Variants in CD274 observed in about 807,000 individuals in gnomAD.
The protein encoded by CD274 is CD274 molecule.
A neutral mutation model predicts 30.1 loss-of-function variants in CD274; 8 were observed. The observed-to-expected ratio is 0.27, with a 90% CI of 0.16 to 0.48. The LOEUF (loss-of-function observed/expected upper bound fraction) is 0.48, where lower values mean the gene tolerates loss of function less well. CD274 is among the 20% of genes least tolerant of loss of function. The pLI, the probability that CD274 is intolerant of heterozygous loss-of-function variation, is 0.99. For synonymous variants in CD274, 152 were observed against 124.6 expected (o/e 1.22, Z -1.46); for missense variants, 353 against 346.6 (o/e 1.02, Z -0.15).
At chr9:5,455,482 C>G (rs1254775042) in intron 1 of CD274, among the ~76,000 whole-genome samples, 1 of 152,160 alleles carries the variant, frequency 6.6e-6, no homozygotes, top group African/African-American at 2.4e-5. Context: ...ATCCAACTCT[C>G]TCCCCTTCCC....
At position 5,466,844 on chromosome 9, in the gene CD274, A is replaced by G; in HGVS notation, c.850+15A>G. 2 of 1,594,358 alleles carry G rather than the reference A, an allele frequency of 1.3e-6. No homozygotes were observed. The highest frequency in any genetic ancestry group is 8.6e-7 in the Non-Finnish European group (1 of 1,165,518). On this transcript the variant is annotated intron_variant, in intron 6 of 6. Coordinates refer to ENST00000381577, the MANE Select transcript of CD274 (RefSeq NM_014143.4). Reference sequence around the variant, plus strand: ...GAAGCAAAGTGGTAAGAATATCAGAAGGAATTGGGAAGTAAAAGTCAAAGG... The same window carrying G: ...GAAGCAAAGTGGTAAGAATATCAGAGGGAATTGGGAAGTAAAAGTCAAAGG...
In CD274 at chr9:5,462,720, T is replaced by C. The variant is rs1175771500; in HGVS notation, c.395-114T>C. ...GGCTGAGGCATCTGAACATTAAGCA[T>C]ATCCCTCTGAGAACCAGCCTGCATT... On this transcript the variant is annotated intron_variant, in intron 3 of 6. Coordinates refer to ENST00000381577, the MANE Select transcript of CD274 (RefSeq NM_014143.4). 4.4e-6 allele frequency: 4 copies of C among 916,294 alleles called. No homozygotes were observed. In the African/African-American group the frequency reaches 5.0e-5, roughly 11 times the overall value. 56.8% of individuals were successfully genotyped at this position (916,294 alleles called of 1,614,324 possible).
At position 5,467,871 on chromosome 9, in the gene CD274, T is replaced by A. The variant is rs778322845; in HGVS notation, c.*9T>A. On this transcript the variant is annotated 3_prime_UTR_variant, in exon 7 of 7. Transcript: ENST00000381577. ...ATTTGGAGGAGACGTAATCCAGCAT[T>A]GGAACTTCTGATCTTCAAGCAGGGA... 1 of 1,607,270 alleles carries A rather than the reference T, an allele frequency of 6.2e-7. No individual in the cohort carries two copies. Among genetic ancestry groups the A allele is most frequent in the Admixed American group, 1.7e-5 (1 of 59,982 alleles).
rs1029283375 is a variant in CD274, at chr9:5,468,637, A to G, written c.*775A>G. 3.4e-5 allele frequency: 8 copies of G among 232,998 alleles called. No homozygotes were observed. Among genetic ancestry groups the G allele is most frequent in the East Asian group, 2.4e-4 (4 of 16,552 alleles). 14.4% of individuals were successfully genotyped at this position (232,998 alleles called of 1,614,324 possible). Reference sequence around the variant, plus strand: ...TCTGTGCAGTATCTGTTCCATTTAAATATCAGCTTTACAATTATGTGGTAG... The same window carrying G: ...TCTGTGCAGTATCTGTTCCATTTAAGTATCAGCTTTACAATTATGTGGTAG... On this transcript the variant is annotated 3_prime_UTR_variant, in exon 7 of 7. Transcript: ENST00000381577.
chr9:5,462,719 A>T, intron 3 of CD274, 115 bp from the exon 4 acceptor site: 1 of 910,668 alleles, frequency 1.1e-6, no homozygotes, highest in Non-Finnish European at 1.7e-6. Flanking sequence ...AACATTAAGC[A>T]TATCCCTCTG....
intron 1 of CD274, among the ~76,000 whole-genome samples, chr9:5,455,444 C>G (rs1258325466): frequency 6.6e-6 from 1 of 152,162 alleles, no homozygotes; most frequent in Non-Finnish European, 1.5e-5. Context: ...GGCTGTGAGT[C>G]ATTCATATCT....
intron 1 of CD274, among the ~76,000 whole-genome samples, chr9:5,453,142 A>C (rs898177827): frequency 6.6e-6 from 1 of 152,116 alleles, no homozygotes; most frequent in Non-Finnish European, 1.5e-5. Flanking sequence ...TGCCATCGCT[A>C]TTCCACATCT....
rs1393730393 is a variant in CD274 at position 5,462,878 on chromosome 9, G to A, written c.439G>A (p.Val147Ile). 1 of 1,613,838 alleles carries A rather than the reference G, an allele frequency of 6.2e-7. No homozygotes were observed. Among genetic ancestry groups the A allele is most frequent in the Non-Finnish European group, 8.5e-7 (1 of 1,179,906 alleles). The change falls in exon 4 of 7, where the codon GTC (valine) becomes ATC (isoleucine). Residue 147 changes from valine to isoleucine, a missense_variant. Val to Ile is a conservative substitution (Grantham distance 29). Coordinates refer to ENST00000381577, the MANE Select transcript of CD274 (RefSeq NM_014143.4). Reference protein sequence around the residue: ...INQRILVVDPVTSEHELTCQA... With the variant: ...INQRILVVDPITSEHELTCQA... ...CCAAAGAATTTTGGTTGTGGATCCA[G>A]TCACCTCTGAACATGAACTGACATG...
At chr9:5,452,166 G>A (rs1450166450) in intron 1 of CD274, among the ~76,000 whole-genome samples, 1 of 151,770 alleles carries the variant, frequency 6.6e-6, no homozygotes, top group African/African-American at 2.4e-5. Flanking sequence ...ACAGGCACCT[G>A]CCACCACGCC....
In CD274 at chr9:5,470,280, T is replaced by C. The variant is rs1819567928; in HGVS notation, c.*2418T>C. The C allele has an allele frequency of 4.3e-6, 1 of 232,446 alleles. No homozygotes were observed. Among genetic ancestry groups the C allele is most frequent in the Non-Finnish European group, 8.5e-6 (1 of 117,636 alleles). The allele number at this position is 232,446 out of a possible 1,614,324, so 14.4% of individuals were successfully genotyped here. On this transcript the variant is annotated 3_prime_UTR_variant, in exon 7 of 7. Transcript: ENST00000381577. ...TCTTTGTGTGAATTACAGGCAAGAATTGTGGCTGAGCAAGGCACATAGTCT... is the reference window on the plus strand; with the variant it reads ...TCTTTGTGTGAATTACAGGCAAGAACTGTGGCTGAGCAAGGCACATAGTCT...
chr9:5,457,339 A>C lies in CD274; in HGVS notation c.313A>C (p.Lys105Gln), dbSNP rs769403708. The C allele has an allele frequency of 8.7e-6, 14 of 1,614,036 alleles. No individual in the cohort carries two copies. Among genetic ancestry groups the C allele is most frequent in the Non-Finnish European group, 1.1e-5 (13 of 1,180,024 alleles). Residue 105 changes from lysine to glutamine, a missense_variant, in exon 3 of 7, where the codon AAA becomes CAA. Physicochemically the swap from Lys to Gln is moderately conservative, Grantham distance 53. Coordinates refer to ENST00000381577, the MANE Select transcript of CD274 (RefSeq NM_014143.4). The stretch of plus-strand genomic sequence containing the variant: ...TGCTGCACTTCAGATCACAGATGTG[A>C]AATTGCAGGATGCAGGGGTGTACCG... Reference protein sequence around the residue: ...GNAALQITDVKLQDAGVYRCM... With the variant: ...GNAALQITDVQLQDAGVYRCM...
At chr9:5,451,356 T>C (rs1819199440) in intron 1 of CD274, among the ~76,000 whole-genome samples, 1 of 152,222 alleles carries the variant, frequency 6.6e-6, no homozygotes. Flanking sequence ...TTCCTCACTG[T>C]TGGGTATAAA....
intron 3 of CD274, among the ~76,000 whole-genome samples, chr9:5,458,533 AC>A (rs1465863152): frequency 6.6e-6 from 1 of 152,222 alleles, no homozygotes; most frequent in Non-Finnish European, 1.5e-5. Flanking sequence ...TCCTGGGCTA[AC>A]TACCATCAAT....
At chr9:5,459,476 T>C (rs1374221277) in intron 3 of CD274, among the ~76,000 whole-genome samples, 2 of 152,190 alleles carry the variant, frequency 1.3e-5, no homozygotes, top group Non-Finnish European at 2.9e-5. Context: ...GTCACCTCCA[T>C]ATGCAAATGA....
chr9:5,463,897 CAG>C (rs33989420), intron 4 of CD274, among the ~76,000 whole-genome samples: 9,440 of 151,482 alleles, frequency 0.062, 279 homozygotes, highest in South Asian at 0.1. Flanking sequence ...GGGTGGGAGA[CAG>C]AGTCTGATGA....
At chr9:5,453,432 AAC>A (rs1296294264) in intron 1 of CD274, among the ~76,000 whole-genome samples, 2 of 152,248 alleles carry the variant, frequency 1.3e-5, no homozygotes, top group African/African-American at 4.8e-5. Flanking sequence ...TTTGATCAGC[AAC>A]ACTATTTGGG....
chr9:5,462,984 C>T lies in CD274; in HGVS notation c.545C>T (p.Thr182Ile), dbSNP rs555485716. Residue 182 changes from threonine (T) to isoleucine (I), a missense_variant, in exon 4 of 7, where the codon ACC (threonine) becomes ATC (isoleucine). Transcript: ENST00000381577. ...GTCCTGAGTGGTAAGACCACCACCA[C>T]CAATTCCAAGAGAGAGGAGAAGCTT... ...HQVLSGKTTT[T>I]NSKREEKLFN... 1.4e-5 allele frequency: 22 copies of T among 1,614,074 alleles called. No individual in the cohort carries two copies. The African/African-American group carries it at 1.9e-4, about 14-fold the overall frequency.
chr9:5,465,470 G>A (rs773882875), intron 4 of CD274, 29 bp from the exon 5 acceptor site: 2 of 1,320,132 alleles, frequency 1.5e-6, no homozygotes, highest in Non-Finnish European at 1.1e-6. Flanking sequence ...TCTTTAGTCA[G>A]TTTGTTTTCG....
Position 5,457,093 on chromosome 9 carries a change from G to A in CD274, c.67G>A (p.Val23Ile), listed in dbSNP as rs1485681345. Residue 23 changes from valine (V) to isoleucine (I), a missense_variant, in exon 3 of 7, where the codon GTT becomes ATT. By Grantham distance (29) the Val-to-Ile change is conservative. Coordinates refer to ENST00000381577, the MANE Select transcript of CD274 (RefSeq NM_014143.4). ...TTTCTTTTTAGCATTTACTGTCACG[G>A]TTCCCAAGGACCTATATGTGGTAGA... ...WHLLNAFTVT[V>I]PKDLYVVEYG... 1.2e-6 allele frequency: 2 copies of A among 1,600,812 alleles called. No homozygotes were observed. Among genetic ancestry groups the A allele is most frequent in the Admixed American group, 1.7e-5 (1 of 59,532 alleles).
Sources: allele counts gnomAD v4.1 joint callset (sites outside exome capture counted in the v4.1 genomes callset), GRCh38; gene constraint gnomAD v4.1.1; transcripts MANE v1.5; gene names NCBI Gene and HGNC (gene_info 2026-07-23, HGNC 2026-07-21).